UBR3: variants seen among roughly 807,000 people sequenced by gnomAD.
UBR3 encodes the protein ubiquitin protein ligase E3 component n-recognin 3.
A neutral mutation model predicts 243.2 loss-of-function variants in UBR3; 85 were observed. That is an observed-to-expected ratio of 0.35 (90% confidence interval 0.29 to 0.42). The LOEUF is 0.42. UBR3 is among the 10% of genes least tolerant of loss of function. The pLI is 1.00. For synonymous variants in UBR3, 748 were observed against 799.8 expected (o/e 0.94, Z 1.09); for missense variants, 1,686 against 2,300.8 (o/e 0.73, Z 5.47).
chr2:170,040,836 G>T, intron 31 of UBR3, 46 bp from the exon 32 acceptor site: 1 of 1,375,974 alleles, frequency 7.3e-7, no homozygotes. Flanking sequence ...AAATTAGAAA[G>T]AGAAGATATA....
At chr2:169,944,380 CT>C (rs1377703940) in intron 20 of UBR3, among the ~76,000 whole-genome samples, 3 of 151,868 alleles carry the variant, frequency 2.0e-5, no homozygotes, top group Non-Finnish European at 1.5e-5. Flanking sequence ...TTAAGGAAGC[CT>C]TATGGCAAAT....
chr2:170,016,328 G>C (rs1388334827), intron 30 of UBR3, among the ~76,000 whole-genome samples: 1 of 151,740 alleles, frequency 6.6e-6, no homozygotes, highest in African/African-American at 2.4e-5. Context: ...AGTAGAATTT[G>C]ATATTTTCTT....
intron 25 of UBR3, among the ~76,000 whole-genome samples, chr2:169,989,876 C>T (rs539438592): frequency 6.6e-6 from 1 of 152,182 alleles, no homozygotes; most frequent in South Asian, 2.1e-4. Context: ...AGAGCTTATT[C>T]GAGTTGTCTC....
rs144028748 is a variant in UBR3 at position 169,909,984 on chromosome 2, T to C, written c.1779+3820T>C. Among the ~76,000 whole-genome samples the C allele has an allele frequency of 3.5e-3, 533 of 152,216 alleles. 2 individuals are homozygous for C. Among genetic ancestry groups the C allele is most frequent in the Non-Finnish European group, 5.5e-3 (373 of 68,006 alleles). On this transcript the variant is annotated intron_variant, in intron 10 of 38. Coordinates refer to ENST00000272793, the MANE Select transcript of UBR3 (RefSeq NM_172070.4). ...TGAGAGAGAGAGACTTTTGAGTAAC[T>C]GTGTATGGAAGTGCTATTTACAAAG...
At chr2:169,832,523 C>T (rs907121940) in intron 1 of UBR3, among the ~76,000 whole-genome samples, 9 of 151,350 alleles carry the variant, frequency 5.9e-5, no homozygotes, top group Non-Finnish European at 1.2e-4. Flanking sequence ...AGTGAGATCC[C>T]GCCACTGCAC....
At chr2:169,837,856 A>T (rs569614462) in intron 1 of UBR3, among the ~76,000 whole-genome samples, 1 of 152,290 alleles carries the variant, frequency 6.6e-6, no homozygotes, top group East Asian at 1.9e-4. Context: ...CAATATGAGG[A>T]TTCACTTATT....
chr2:169,985,917 T>C (rs1050330007), intron 24 of UBR3, among the ~76,000 whole-genome samples: 4 of 152,220 alleles, frequency 2.6e-5, no homozygotes, highest in African/African-American at 9.6e-5. Context: ...TCTGCTTCCC[T>C]GTTCTTCCCA....
chr2:170,003,464 C>G (rs1207249303), intron 27 of UBR3, among the ~76,000 whole-genome samples: 1 of 25,336 alleles, frequency 3.9e-5, no homozygotes, highest in Non-Finnish European at 9.1e-5. Flanking sequence ...CTGTATTCAA[C>G]TATTCCTTCA....
Position 169,956,118 on chromosome 2 carries a change from GA to G in UBR3, c.3546-2319del, listed in dbSNP as rs2087275103. 5.3e-5 allele frequency among the ~76,000 whole-genome samples: 8 copies of G among 151,894 alleles called. No homozygotes were observed. The South Asian group carries it at 8.3e-4, about 16-fold the overall frequency. On this transcript the variant is annotated intron_variant, in intron 23 of 38. Coordinates refer to ENST00000272793, the MANE Select transcript of UBR3 (RefSeq NM_172070.4). ...TTTCAATTCCAATCCATCCCTCTAG[GA>G]GTCATTCTTGTTTTCTCTCTTTCTC...
intron 21 of UBR3, among the ~76,000 whole-genome samples, chr2:169,946,906 T>A (rs569611553): frequency 6.6e-6 from 1 of 152,120 alleles, no homozygotes; most frequent in Non-Finnish European, 1.5e-5. Flanking sequence ...TGGGAGAATG[T>A]TTAAAGTACT....
chr2:170,041,655 A>T (rs186637910), intron 32 of UBR3, among the ~76,000 whole-genome samples: 17 of 152,322 alleles, frequency 1.1e-4, no homozygotes, highest in Non-Finnish European at 2.4e-4. Context: ...CAGATAATTA[A>T]CATCTTCTGT....
intron 5 of UBR3, among the ~76,000 whole-genome samples, chr2:169,880,415 G>A (rs2083777386): frequency 1.3e-5 from 2 of 152,034 alleles, no homozygotes; most frequent in African/African-American, 4.8e-5. Context: ...TTTTATTTCT[G>A]GATATGTAAA....
At chr2:170,013,086 C>T (rs1017128947) in intron 29 of UBR3, among the ~76,000 whole-genome samples, 5 of 151,932 alleles carry the variant, frequency 3.3e-5, no homozygotes, top group Admixed American at 1.3e-4. Flanking sequence ...AAAGAGTCTG[C>T]TTTTCTTTGA....
At chr2:169,910,518 G>T (rs2105336591) in intron 10 of UBR3, among the ~76,000 whole-genome samples, 1 of 152,120 alleles carries the variant, frequency 6.6e-6, no homozygotes, top group East Asian at 1.9e-4. Context: ...AGCTTTCAAG[G>T]CTAGAATTAC....
chr2:169,890,619 G>A (rs954940209), intron 5 of UBR3, among the ~76,000 whole-genome samples: 1 of 117,836 alleles, frequency 8.5e-6, no homozygotes, highest in Non-Finnish European at 1.7e-5. Context: ...ATATCATTGA[G>A]CAGAATGTAT....
intron 1 of UBR3, among the ~76,000 whole-genome samples, chr2:169,830,592 C>T (rs1007735169): frequency 2.0e-5 from 3 of 152,052 alleles, no homozygotes; most frequent in Non-Finnish European, 4.4e-5. Context: ...AACCATTTCT[C>T]TTTACTGCCC....
intron 35 of UBR3, among the ~76,000 whole-genome samples, chr2:170,072,436 G>T (rs12620787): frequency 2.0e-5 from 3 of 150,394 alleles, no homozygotes; most frequent in African/African-American, 4.9e-5. Context: ...GTAGCGGGAG[G>T]GGGGAGGGAT....
intron 5 of UBR3, among the ~76,000 whole-genome samples, chr2:169,887,170 T>C (rs1023101447): frequency 1.3e-5 from 2 of 152,382 alleles, no homozygotes; most frequent in Non-Finnish European, 2.9e-5. Context: ...TCATGTCTTC[T>C]TGTTTCTTTC....
chr2:170,044,971 TTC>T lies in UBR3; in HGVS notation c.4660+3988_4660+3989del, dbSNP rs542516587. On this transcript the variant is annotated intron_variant, in intron 32 of 38. Transcript: ENST00000272793. The stretch of plus-strand genomic sequence containing the variant: ...TTATTATCTCTCAGGCTAAAATTCT[TTC>T]TTATTTTTGAGCCTCCAGGGTTTAA... Among the ~76,000 whole-genome samples, 20 of 152,330 alleles carry T rather than the reference TTC, an allele frequency of 1.3e-4. No homozygotes were observed. In the South Asian group the frequency reaches 4.1e-3, roughly 32 times the overall value.
Sources: gnomAD v4.1 joint callset for allele counts (sites outside exome capture counted in the v4.1 genomes callset) on GRCh38, gnomAD v4.1.1 for gene constraint, MANE v1.5 for transcripts, NCBI Gene and HGNC (gene_info 2026-07-23, HGNC 2026-07-21) for gene names.